TLE1: variants seen among roughly 807,000 people sequenced by gnomAD.
The protein encoded by TLE1 is transducin-like enhancer protein 1.
Under a neutral mutation model 89.8 loss-of-function variants are expected in TLE1, and 21 were observed. That is an observed-to-expected ratio of 0.23 (90% confidence interval 0.17 to 0.34). The LOEUF is 0.34. Ranked by LOEUF, TLE1 falls within the 10% of genes least tolerant of loss-of-function variation. The pLI is 1.00. For missense variants in TLE1, 795 were observed against 1,031.2 expected, an observed-to-expected ratio of 0.77 and a Z score of 3.14; for synonymous variants, 447 against 407.6, an observed-to-expected ratio of 1.10 and a Z score of -1.16.
At chr9:81,644,716 A>T (rs1828603123) in intron 6 of TLE1, among the ~76,000 whole-genome samples, 2 of 152,174 alleles carry the variant, frequency 1.3e-5, no homozygotes, top group African/African-American at 4.8e-5. Flanking sequence ...GAATTTGGCC[A>T]GGTGCAGTGA....
At chr9:81,654,475 G>T (rs1184607182) in intron 4 of TLE1, among the ~76,000 whole-genome samples, 1 of 152,094 alleles carries the variant, frequency 6.6e-6, no homozygotes. Context: ...CAAGTAGCTG[G>T]GACTACAGGC....
intron 16 of TLE1, among the ~76,000 whole-genome samples, chr9:81,589,670 T>C (rs919353708): frequency 6.6e-6 from 1 of 152,006 alleles, no homozygotes; most frequent in African/African-American, 2.4e-5. Flanking sequence ...ATGGGGCAAA[T>C]AGCAGGACAG....
chr9:81,687,570 G>T, intron 1 of TLE1, 136 bp from the exon 2 acceptor site: 1 of 654,624 alleles, frequency 1.5e-6, no homozygotes, highest in Non-Finnish European at 2.7e-6. Flanking sequence ...CCAAACTCGA[G>T]TTTGCCCTTC....
At chr9:81,607,981 A>G (rs1277857270) in intron 14 of TLE1, among the ~76,000 whole-genome samples, 1 of 152,242 alleles carries the variant, frequency 6.6e-6, no homozygotes, top group Non-Finnish European at 1.5e-5. Context: ...AAGTAGAGCA[A>G]TGGGAATCGG....
chr9:81,635,254 A>G (rs1261509630), intron 6 of TLE1, among the ~76,000 whole-genome samples: 2 of 152,136 alleles, frequency 1.3e-5, no homozygotes, highest in African/African-American at 4.8e-5. Context: ...CCACTCTTTC[A>G]TTGTGACTGA....
intron 6 of TLE1, 144 bp downstream of exon 6, chr9:81,652,070 C>T: frequency 1.3e-6 from 1 of 757,250 alleles, no homozygotes; most frequent in Non-Finnish European, 2.1e-6. Context: ...TCTTCCTCTC[C>T]TCCTCCCACC....
chr9:81,613,281 T>C, intron 12 of TLE1, 96 bp downstream of exon 12: 3 of 1,516,808 alleles, frequency 2.0e-6, no homozygotes, highest in Non-Finnish European at 2.7e-6. Flanking sequence ...GTACATTTCA[T>C]ATTTGTAGGG....
chr9:81,648,058 G>A (rs1202674194), intron 6 of TLE1, among the ~76,000 whole-genome samples: 1 of 152,076 alleles, frequency 6.6e-6, no homozygotes, highest in Admixed American at 6.6e-5. Context: ...GATCACCTAA[G>A]TTTGGGAGTT....
intron 14 of TLE1, among the ~76,000 whole-genome samples, chr9:81,600,353 T>G (rs567489925): frequency 6.6e-6 from 1 of 152,196 alleles, no homozygotes; most frequent in South Asian, 2.1e-4. Context: ...TGAGGAATTA[T>G]TATAGCTAAA....
intron 4 of TLE1, among the ~76,000 whole-genome samples, chr9:81,677,361 C>G (rs1833023012): frequency 6.6e-6 from 1 of 151,820 alleles, no homozygotes; most frequent in Admixed American, 6.6e-5. Flanking sequence ...GTCAGGAGAT[C>G]GAGACCATCC....
At chr9:81,660,874 A>C (rs1391304355) in intron 4 of TLE1, among the ~76,000 whole-genome samples, 1 of 147,762 alleles carries the variant, frequency 6.8e-6, no homozygotes, top group African/African-American at 2.5e-5. Context: ...AGGCGGGAGG[A>C]TCACGAGGTC....
intron 6 of TLE1, among the ~76,000 whole-genome samples, chr9:81,649,877 G>A (rs909293369): frequency 1.3e-5 from 2 of 152,110 alleles, no homozygotes; most frequent in Admixed American, 1.3e-4. Context: ...ATTCCTTTCA[G>A]GCAAAAATCA....
At chr9:81,685,360 G>A (rs1042552930) in intron 4 of TLE1, among the ~76,000 whole-genome samples, 1 of 152,124 alleles carries the variant, frequency 6.6e-6, no homozygotes, top group Non-Finnish European at 1.5e-5. Flanking sequence ...AACTGTAGAA[G>A]ATACCCAGCC....
intron 16 of TLE1, 29 bp from the exon 17 acceptor site, chr9:81,587,857 A>T (rs1389940655): frequency 1.9e-6 from 3 of 1,541,284 alleles, no homozygotes; most frequent in African/African-American, 1.6e-5. Context: ...TTGAATAATG[A>T]TTTCCTGCCA....
chr9:81,610,362 C>G (rs749677069), intron 13 of TLE1, 66 bp from the exon 14 acceptor site: 183 of 1,193,214 alleles, frequency 1.5e-4, no homozygotes, highest in Non-Finnish European at 2.1e-4. Flanking sequence ...AACATCAATA[C>G]TGTTCATTAG....
intron 2 of TLE1, among the ~76,000 whole-genome samples, chr9:81,686,149 C>T (rs977454244): frequency 6.6e-6 from 1 of 152,190 alleles, no homozygotes; most frequent in African/African-American, 2.4e-5. Flanking sequence ...AAAAATCTGT[C>T]AGAACCTCTA....
chr9:81,642,132 T>C (rs1445503647), intron 6 of TLE1, among the ~76,000 whole-genome samples: 1 of 152,158 alleles, frequency 6.6e-6, no homozygotes, highest in African/African-American at 2.4e-5. Flanking sequence ...GAAACCTTTG[T>C]ACACTGTTCT....
intron 14 of TLE1, among the ~76,000 whole-genome samples, chr9:81,601,295 T>C (rs1218419518): frequency 6.6e-6 from 1 of 152,230 alleles, no homozygotes; most frequent in Non-Finnish European, 1.5e-5. Flanking sequence ...CTCTAATCAC[T>C]GCTGCAAGTG....
At chr9:81,635,330 A>G (rs1014230672) in intron 6 of TLE1, among the ~76,000 whole-genome samples, 1 of 152,206 alleles carries the variant, frequency 6.6e-6, no homozygotes, top group African/African-American at 2.4e-5. Context: ...GTGGGACTCC[A>G]GCCAGCGAGC....
Sources: allele counts gnomAD v4.1 joint callset (sites outside exome capture counted in the v4.1 genomes callset), GRCh38; gene constraint gnomAD v4.1.1; transcripts MANE v1.5; gene names NCBI Gene and HGNC (gene_info 2026-07-23, HGNC 2026-07-21).